The following ACOXL variants were observed in gnomAD, a reference collection of about 807,000 sequenced individuals.
ACOXL encodes the protein acyl-CoA oxidase like.
In ACOXL, 70 loss-of-function variants were observed where a neutral mutation model predicts 71.9. The ratio of observed to expected loss-of-function variants is 0.97; its 90% CI spans 0.80 to 1.19. The LOEUF (loss-of-function observed/expected upper bound fraction) is 1.19. ACOXL is among the 50% of genes most tolerant of loss of function. The pLI is 0.00. For missense variants in ACOXL, 703 were observed against 736.3 expected (o/e 0.95, Z 0.52); for synonymous variants, 253 against 281.6 (o/e 0.90, Z 1.02).
intron 12 of ACOXL, among the ~76,000 whole-genome samples, chr2:110,936,337 C>T (rs955295241): frequency 1.3e-5 from 2 of 152,158 alleles, no homozygotes; most frequent in Non-Finnish European, 2.9e-5. Flanking sequence ...ACAATCACAG[C>T]TCACTGTAGC....
intron 16 of ACOXL, among the ~76,000 whole-genome samples, chr2:111,082,077 A>G (rs2067954674): frequency 1.3e-5 from 2 of 152,224 alleles, no homozygotes; most frequent in Non-Finnish European, 2.9e-5. Flanking sequence ...CTAGAAGACA[A>G]CCTAGGCAAT....
At chr2:110,982,678 A>G (rs531686874) in intron 12 of ACOXL, among the ~76,000 whole-genome samples, 2 of 152,346 alleles carry the variant, frequency 1.3e-5, no homozygotes, top group African/African-American at 4.8e-5. Flanking sequence ...AAAGAAATAT[A>G]GGATGCCCAG....
intron 11 of ACOXL, among the ~76,000 whole-genome samples, chr2:110,909,781 G>A (rs926283023): frequency 2.7e-5 from 4 of 150,766 alleles, no homozygotes; most frequent in African/African-American, 4.9e-5. Context: ...CTGGCATGGC[G>A]GGGAGGGATT....
chr2:110,766,688 C>A (rs1681119170), intron 1 of ACOXL, among the ~76,000 whole-genome samples: 1 of 152,202 alleles, frequency 6.6e-6, no homozygotes, highest in Admixed American at 6.5e-5. Flanking sequence ...GGTGAAGTCT[C>A]AGCTTCCCAT....
chr2:111,031,613 T>G lies in ACOXL; in HGVS notation c.1282-14T>G. On this transcript the variant is annotated splice_polypyrimidine_tract_variant and intron_variant, in intron 14 of 17. Coordinates refer to ENST00000439055, the MANE Select transcript of ACOXL (RefSeq NM_001142807.4). ...ATATCCTCAATGGTGATTTTTCTTC[T>G]GTCGATTGGACAGGTAAAGACCAAG... 1 of 1,613,056 alleles carries G rather than the reference T, an allele frequency of 6.2e-7. No homozygotes were observed. Among genetic ancestry groups the G allele is most frequent in the Non-Finnish European group, 8.5e-7 (1 of 1,178,982 alleles).
intron 11 of ACOXL, among the ~76,000 whole-genome samples, chr2:110,933,106 T>C (rs764942192): frequency 4.6e-5 from 7 of 152,258 alleles, no homozygotes; most frequent in Non-Finnish European, 1.0e-4. Context: ...TAGTTGAATC[T>C]TGATTTTTTA....
chr2:111,029,995 C>G (rs2065191854), intron 14 of ACOXL, among the ~76,000 whole-genome samples: 1 of 152,014 alleles, frequency 6.6e-6, no homozygotes, highest in Non-Finnish European at 1.5e-5. Context: ...TTTTCTGTCC[C>G]TGGTTTTCTT....
chr2:110,864,273 G>A (rs1016639022), intron 10 of ACOXL, among the ~76,000 whole-genome samples: 6 of 152,158 alleles, frequency 3.9e-5, no homozygotes, highest in African/African-American at 1.4e-4. Context: ...ATGACGTTCT[G>A]TAGAGCATGT....
At chr2:110,833,285 T>C (rs529053349) in intron 9 of ACOXL, among the ~76,000 whole-genome samples, 67 of 152,306 alleles carry the variant, frequency 4.4e-4, no homozygotes, top group Non-Finnish European at 8.5e-4. Context: ...CCTCGATGAA[T>C]CTCTAGACAA....
chr2:110,930,016 C>T lies in ACOXL; in HGVS notation c.906-3473C>T, dbSNP rs565028979. On this transcript the variant is annotated intron_variant, in intron 11 of 17. Coordinates refer to ENST00000439055, the MANE Select transcript of ACOXL (RefSeq NM_001142807.4). ...GTAGAAGGGAAATGTGGGGTTGAAG[C>T]CCCTACACAGAGTCCCCATCGGGGT... is the stretch of plus-strand genomic sequence containing the variant. Among the ~76,000 whole-genome samples the T allele has an allele frequency of 7.9e-5, 12 of 152,316 alleles. No homozygotes were observed. The East Asian group carries it at 2.3e-3, about 29-fold the overall frequency.
intron 5 of ACOXL, among the ~76,000 whole-genome samples, chr2:110,797,362 C>T (rs1014363285): frequency 1.3e-5 from 2 of 152,196 alleles, no homozygotes; most frequent in African/African-American, 4.8e-5. Flanking sequence ...GAAAGAGACT[C>T]ATTTACAAGT....
At chr2:110,967,941 G>T (rs1574320274) in intron 12 of ACOXL, 1 of 936,806 alleles carries the variant, frequency 1.1e-6, no homozygotes, top group East Asian at 2.4e-5. Context: ...GGAAATACTT[G>T]GAGATACAGG....
chr2:111,063,223 C>T lies in ACOXL; in HGVS notation c.1440+13935C>T, dbSNP rs569495024. Among the ~76,000 whole-genome samples the T allele has an allele frequency of 3.3e-5, 5 of 152,258 alleles. No individual in the cohort carries two copies. In the South Asian group the frequency reaches 8.3e-4, roughly 25 times the overall value. On this transcript the variant is annotated intron_variant, in intron 16 of 17. Coordinates refer to ENST00000439055, the MANE Select transcript of ACOXL (RefSeq NM_001142807.4). Reference sequence around the variant, plus strand: ...TAGAGAAGAATATCCATCAGTTCTTCACAATATTTTCCATAATGTAGAAGA... The same window carrying T: ...TAGAGAAGAATATCCATCAGTTCTTTACAATATTTTCCATAATGTAGAAGA...
intron 1 of ACOXL, among the ~76,000 whole-genome samples, chr2:110,740,651 G>A (rs1677410947): frequency 6.6e-6 from 1 of 152,238 alleles, no homozygotes; most frequent in East Asian, 1.9e-4. Flanking sequence ...TGAATGTTAA[G>A]TTTTATGAGC....
Position 111,113,815 on chromosome 2 carries a change from G to A in ACOXL, c.1543-3801G>A, listed in dbSNP as rs2070154151. 2.6e-5 allele frequency among the ~76,000 whole-genome samples: 4 copies of A among 152,196 alleles called. No individual in the cohort carries two copies. In the South Asian group the frequency reaches 8.3e-4, roughly 32 times the overall value. ...CATCACATCTTTTAGATTAAAAGAT[G>A]TTTGTTCATTAATTAAGGTTCCCCT... On this transcript the variant is annotated intron_variant, in intron 17 of 17. Coordinates refer to ENST00000439055, the MANE Select transcript of ACOXL (RefSeq NM_001142807.4).
At chr2:110,874,462 C>T (rs1446347300) in intron 10 of ACOXL, among the ~76,000 whole-genome samples, 1 of 152,116 alleles carries the variant, frequency 6.6e-6, no homozygotes, top group African/African-American at 2.4e-5. Context: ...CCCTGGGAAG[C>T]GGAATGAGCA....
At chr2:110,986,402 C>T (rs904222193) in intron 12 of ACOXL, among the ~76,000 whole-genome samples, 2 of 152,212 alleles carry the variant, frequency 1.3e-5, no homozygotes, top group East Asian at 3.9e-4. Flanking sequence ...TGTAGGTCAG[C>T]AGTTTGGGCT....
chr2:111,011,724 A>C (rs2064167871), intron 14 of ACOXL, among the ~76,000 whole-genome samples: 2 of 152,008 alleles, frequency 1.3e-5, no homozygotes, highest in Admixed American at 1.3e-4. Context: ...CTCTACTAAA[A>C]ATACAAAAAT....
At chr2:110,781,145 T>G (rs1437462970) in intron 2 of ACOXL, among the ~76,000 whole-genome samples, 1 of 152,226 alleles carries the variant, frequency 6.6e-6, no homozygotes, top group Non-Finnish European at 1.5e-5. Flanking sequence ...TTGATTGATA[T>G]GATGGTTACA....
Sources: allele counts gnomAD v4.1 joint callset (sites outside exome capture counted in the v4.1 genomes callset), GRCh38; gene constraint gnomAD v4.1.1; transcripts MANE v1.5; gene names NCBI Gene and HGNC (gene_info 2026-07-23, HGNC 2026-07-21).